Variants in C10orf143 observed in about 807,000 individuals in gnomAD.
The protein encoded by C10orf143 is chromosome 10 open reading frame 143.
At chr10:130,055,971 A>G (rs1457991208) in intron 3 of C10orf143, among the ~76,000 whole-genome samples, 1 of 150,894 alleles carries the variant, frequency 6.6e-6, no homozygotes, top group South Asian at 2.1e-4. Context: ...AAAAAAAAAA[A>G]AAAAAAAAGA....
chr10:130,084,599 A>T (rs1306784835), intron 1 of C10orf143, among the ~76,000 whole-genome samples: 1 of 152,000 alleles, frequency 6.6e-6, no homozygotes, highest in Non-Finnish European at 1.5e-5. Flanking sequence ...CCAGACAGAG[A>T]TATAGAAATA....
intron 3 of C10orf143, among the ~76,000 whole-genome samples, chr10:130,053,664 C>T (rs1411030219): frequency 2.0e-5 from 3 of 152,212 alleles, no homozygotes; most frequent in Non-Finnish European, 2.9e-5. Context: ...GCACAGCAGC[C>T]AAGAGGGCTC....
At chr10:130,060,539 T>C (rs1860842203), downstream of C10orf143, among the ~76,000 whole-genome samples, 1 of 152,182 alleles carries the variant, frequency 6.6e-6, no homozygotes. Flanking sequence ...AAAAAGTATG[T>C]GCAGCCGGGC....
chr10:130,035,167 G>C (rs761558221), intron 4 of C10orf143, among the ~76,000 whole-genome samples: 15 of 152,188 alleles, frequency 9.9e-5, no homozygotes, highest in Non-Finnish European at 2.9e-5. Flanking sequence ...CACCATCCAG[G>C]AGGCTGGAAG....
Position 130,108,327 on chromosome 10 carries a change from C to T in C10orf143, c.69+2377G>A, listed in dbSNP as rs1312480156. The T allele has an allele frequency of 2.6e-6, 4 of 1,516,672 alleles. No individual in the cohort carries two copies. In the East Asian group the frequency reaches 9.0e-5, roughly 34 times the overall value. 94.0% of individuals were successfully genotyped at this position (1,516,672 alleles called of 1,614,324 possible). A position where few individuals can be genotyped will look rare whatever the true frequency, so the allele number is the denominator to read the frequency against. On this transcript the variant is annotated intron_variant, in intron 1 of 3. Coordinates refer to ENST00000637128, the MANE Select transcript of C10orf143 (RefSeq NM_001355042.2). ...CCACCGAGGGGTTTTCCTCCTTACC[C>T]TCCCCCAAGACCTGGATTTTTCCCC...
chr10:130,065,326 G>A lies in C10orf143; in HGVS notation c.298-943C>T, dbSNP rs543659651. On this transcript the variant is annotated intron_variant, in intron 3 of 3. Coordinates refer to ENST00000637128, the MANE Select transcript of C10orf143 (RefSeq NM_001355042.2). This position sits in a 1 kb window ranked among gnomAD's most constrained non-coding sequence, Gnocchi z 4.2. ...ACAGGAGCCAGGGAAGACAGCACGT[G>A]ACCCTACCTGGTGAGGGGCCTGAAG... The A allele has an allele frequency of 6.6e-6, 1 of 152,344 alleles. No individual in the cohort carries two copies. Among genetic ancestry groups the A allele is most frequent in the South Asian group, 2.1e-4 (1 of 4,814 alleles). The allele number at this position is 152,344 out of a possible 1,614,324, so 9.4% of individuals were successfully genotyped here.
chr10:130,050,079 G>T (rs1860719085), intron 3 of C10orf143, among the ~76,000 whole-genome samples: 1 of 152,230 alleles, frequency 6.6e-6, no homozygotes, highest in South Asian at 2.1e-4. Flanking sequence ...CAGCCATAAT[G>T]GAAAAACGGG....
At position 130,107,933 on chromosome 10, in the gene C10orf143, G is replaced by C. The variant is rs760692994; in HGVS notation, c.69+2771C>G. ...GCAAGACAGATTTTATTCTAACTCT[G>C]GTGGACTGTCTGGACCAGCAGAACT... On this transcript the variant is annotated intron_variant, in intron 1 of 3. Transcript: ENST00000637128. 1.4e-5 allele frequency: 19 copies of C among 1,402,236 alleles called. No individual in the cohort carries two copies. In the Middle Eastern group the frequency reaches 7.1e-4, roughly 53 times the overall value. 86.9% of individuals were successfully genotyped at this position (1,402,236 alleles called of 1,614,324 possible). A position where few individuals can be genotyped will look rare whatever the true frequency, so the allele number is the denominator to read the frequency against.
intron 1 of C10orf143, among the ~76,000 whole-genome samples, chr10:130,094,775 G>T (rs890747958): frequency 6.6e-6 from 1 of 152,202 alleles, no homozygotes; most frequent in Non-Finnish European, 1.5e-5. Context: ...ATGTCATACT[G>T]AATGGGCAAA....
In C10orf143 at chr10:130,042,768, G is replaced by A. The variant is rs116683032; in HGVS notation, c.298-6798C>T. On this transcript the variant is annotated intron_variant and NMD_transcript_variant, in intron 3 of 5. Coordinates refer to the C10orf143 transcript ENST00000643056. ...TCGTATAGCCAGTGTGAGAAAGGTGGAAACTGAAAACACAAGTAGGGAAAG... is the reference window on the plus strand; with the variant it reads ...TCGTATAGCCAGTGTGAGAAAGGTGAAAACTGAAAACACAAGTAGGGAAAG... Among the ~76,000 whole-genome samples the A allele has an allele frequency of 2.1e-3, 314 of 152,376 alleles. 3 individuals carry two copies. The highest frequency in any genetic ancestry group is 7.2e-3 in the African/African-American group (301 of 41,594).
intron 1 of C10orf143, among the ~76,000 whole-genome samples, chr10:130,089,829 G>A (rs1861351758): frequency 6.6e-6 from 1 of 152,170 alleles, no homozygotes; most frequent in Non-Finnish European, 1.5e-5. Flanking sequence ...AAGACATGGT[G>A]CTGACACGAT....
At chr10:130,037,948 G>C (rs1038477143) in intron 3 of C10orf143, among the ~76,000 whole-genome samples, 2 of 152,192 alleles carry the variant, frequency 1.3e-5, no homozygotes, top group Non-Finnish European at 2.9e-5. Flanking sequence ...ATTCCGGCAG[G>C]CGTCTCCCTC....
chr10:130,079,077 C>CT (rs141821566), intron 3 of C10orf143, among the ~76,000 whole-genome samples: 23,439 of 152,160 alleles, frequency 0.15, 2,415 homozygotes, highest in Non-Finnish European at 0.22. Context: ...GACTGAGAAT[C>CT]TGACTCTGGC....
At chr10:130,083,446 C>T (rs1861239706) in intron 1 of C10orf143, among the ~76,000 whole-genome samples, 2 of 152,206 alleles carry the variant, frequency 1.3e-5, no homozygotes, top group Non-Finnish European at 2.9e-5. Flanking sequence ...GAAAAAAGCA[C>T]ATTTGCACAG....
At chr10:130,038,094 A>G (rs1268816093) in intron 3 of C10orf143, among the ~76,000 whole-genome samples, 1 of 152,106 alleles carries the variant, frequency 6.6e-6, no homozygotes, top group African/African-American at 2.4e-5. Flanking sequence ...CACCCTCCAC[A>G]ATTGCTTCCT....
chr10:130,079,946 C>T (rs1477023228), intron 1 of C10orf143, 45 bp from the exon 2 acceptor site: 1 of 398,434 alleles, frequency 2.5e-6, no homozygotes, highest in Non-Finnish European at 4.4e-6. Flanking sequence ...ATAAAGCACA[C>T]AACACTCTAA....
intron 3 of C10orf143, among the ~76,000 whole-genome samples, chr10:130,047,445 G>C (rs1860689417): frequency 2.0e-5 from 3 of 152,198 alleles, no homozygotes; most frequent in Non-Finnish European, 2.9e-5. Context: ...CTGCGTACTT[G>C]GTAGGGAAGC....
At chr10:130,092,774 T>C (rs1157366830) in intron 1 of C10orf143, among the ~76,000 whole-genome samples, 2 of 152,056 alleles carry the variant, frequency 1.3e-5, no homozygotes, top group African/African-American at 4.8e-5. Context: ...TCCTAGTCTC[T>C]GATAAAACAG....
chr10:130,107,984 G>T, intron 1 of C10orf143: 1 of 1,518,094 alleles, frequency 6.6e-7, no homozygotes, highest in Non-Finnish European at 9.1e-7. Flanking sequence ...GCCTCCTTTG[G>T]ATAAAATGGA....
Sources: allele counts gnomAD v4.1 joint callset (sites outside exome capture counted in the v4.1 genomes callset), GRCh38; gene constraint gnomAD v4.1.1; non-coding constraint Gnocchi (gnomAD v3.1); transcripts MANE v1.5; gene names NCBI Gene and HGNC (gene_info 2026-07-23, HGNC 2026-07-21).